Variants in KLHL6 observed in about 807,000 individuals in gnomAD.
KLHL6 encodes the protein kelch-like protein 6.
KLHL6 carries 41 observed loss-of-function variants against 58.6 expected under a neutral mutation model. The observed-to-expected ratio is 0.70, with a 90% CI of 0.55 to 0.91. The LOEUF (loss-of-function observed/expected upper bound fraction) is 0.91. KLHL6 is among the 40% of genes least tolerant of loss of function. KLHL6 has a pLI of 0.00. For missense variants in KLHL6, 714 were observed against 805.6 expected (o/e 0.89, Z 1.38); for synonymous variants, 338 against 322.7 (o/e 1.05, Z -0.51).
chr3:183,502,725 C>T (rs1431972047), intron 3 of KLHL6, among the ~76,000 whole-genome samples: 1 of 152,182 alleles, frequency 6.6e-6, no homozygotes, highest in Non-Finnish European at 1.5e-5. Flanking sequence ...TACTGCAGCC[C>T]CAGCCAAGAG....
intron 1 of KLHL6, among the ~76,000 whole-genome samples, chr3:183,538,431 A>G (rs189639351): frequency 8.5e-5 from 13 of 152,082 alleles, no homozygotes; most frequent in Admixed American, 6.5e-4. Flanking sequence ...TTTCTTCACC[A>G]TTCCCCGTTT....
intron 3 of KLHL6, among the ~76,000 whole-genome samples, chr3:183,506,149 T>C (rs1717994350): frequency 6.6e-6 from 1 of 152,220 alleles, no homozygotes; most frequent in Admixed American, 6.5e-5. Context: ...TAGTGAGATA[T>C]ATGTATGGGT....
At chr3:183,530,175 G>C (rs1712109860) in intron 1 of KLHL6, among the ~76,000 whole-genome samples, 1 of 152,166 alleles carries the variant, frequency 6.6e-6, no homozygotes, top group African/African-American at 2.4e-5. Context: ...GTGGGGCGCT[G>C]CTGTCACAAA....
At chr3:183,507,311 T>A (rs771474661) in intron 3 of KLHL6, among the ~76,000 whole-genome samples, 1 of 152,092 alleles carries the variant, frequency 6.6e-6, no homozygotes, top group African/African-American at 2.4e-5. Context: ...TAAATCAAAG[T>A]GATGTCAGAG....
chr3:183,510,677 C>T (rs888923960), intron 2 of KLHL6, among the ~76,000 whole-genome samples: 4 of 152,022 alleles, frequency 2.6e-5, no homozygotes, highest in Non-Finnish European at 5.9e-5. Flanking sequence ...GAGTTGGAGA[C>T]CAGCCTGACC....
intron 1 of KLHL6, among the ~76,000 whole-genome samples, chr3:183,539,203 G>C (rs1712468601): frequency 6.6e-6 from 1 of 151,552 alleles, no homozygotes; most frequent in African/African-American, 2.4e-5. Context: ...ATAGTGCTAG[G>C]GAAGATATGT....
chr3:183,505,965 G>C (rs1180959945), intron 3 of KLHL6, among the ~76,000 whole-genome samples: 1 of 152,202 alleles, frequency 6.6e-6, no homozygotes, highest in Non-Finnish European at 1.5e-5. Flanking sequence ...TGTTTGCAGA[G>C]TGAATGAATG....
chr3:183,545,891 A>G (rs1047077250), intron 1 of KLHL6, among the ~76,000 whole-genome samples: 3 of 152,162 alleles, frequency 2.0e-5, no homozygotes, highest in Non-Finnish European at 4.4e-5. Context: ...AGCTTCCCAC[A>G]CAACTCTGTG....
At position 183,508,168 on chromosome 3, in the gene KLHL6, T is replaced by A; in HGVS notation, c.800A>T (p.Asp267Val). The stretch of plus-strand genomic sequence containing the variant: ...CACCGTCTCCACAAAGTACCACGGG[T>A]CCAGAAGCGGTAAGCGCACGTTCTC... ...VLENVRLPLL[D>V]PWYFVETVEA... Residue 267 changes from aspartate (D) to valine (V), a missense_variant, in exon 3 of 7, where the codon GAC becomes GTC. Physicochemically the swap from Asp to Val is radical, Grantham distance 152. Coordinates refer to ENST00000341319, the MANE Select transcript of KLHL6 (RefSeq NM_130446.4). 1 of 1,614,152 alleles carries A rather than the reference T, an allele frequency of 6.2e-7. No homozygotes were observed. Among genetic ancestry groups the A allele is most frequent in the Non-Finnish European group, 8.5e-7 (1 of 1,180,030 alleles).
At chr3:183,533,044 A>T (rs79560530) in intron 1 of KLHL6, among the ~76,000 whole-genome samples, 1 of 152,270 alleles carries the variant, frequency 6.6e-6, no homozygotes, top group African/African-American at 2.4e-5. Context: ...TAGTCACTGG[A>T]CTTTCTAAGC....
chr3:183,515,706 CT>C lies in KLHL6; in HGVS notation c.460-7199del, dbSNP rs375454332. On this transcript the variant is annotated intron_variant, in intron 2 of 6. Transcript: ENST00000341319. ...GCTCCACTGGGCACCTTGCTTTCCC[CT>C]TTTGTGGAGCACCCAGAGTACTAAG... 6.3e-3 allele frequency among the ~76,000 whole-genome samples: 960 copies of C among 152,298 alleles called. 5 individuals are homozygous for C. The highest frequency in any genetic ancestry group is 1.0e-2 in the Non-Finnish European group (679 of 68,020).
At chr3:183,551,308 G>T (rs1459807671) in intron 1 of KLHL6, among the ~76,000 whole-genome samples, 7 of 152,258 alleles carry the variant, frequency 4.6e-5, no homozygotes, top group South Asian at 2.1e-4. Flanking sequence ...CAGCCAGCGT[G>T]CAAATCCAGG....
chr3:183,552,636 T>G (rs568290223), intron 1 of KLHL6, among the ~76,000 whole-genome samples: 10 of 144,332 alleles, frequency 6.9e-5, no homozygotes, highest in Non-Finnish European at 1.3e-4. Context: ...GAGAATGGCC[T>G]GAACCCTGGA....
In KLHL6 at chr3:183,533,081, C is replaced by A. The variant is rs543625002; in HGVS notation, c.294-5071G>T. On this transcript the variant is annotated intron_variant, in intron 1 of 6. Transcript: ENST00000341319. ...ACAGACACATGAACAGGTTAGGGAG[C>A]CGTTATCTCCCAGCCAAGTCACTGA... Among the ~76,000 whole-genome samples, 4 of 152,286 alleles carry A rather than the reference C, an allele frequency of 2.6e-5. 1 individual carries two copies. The South Asian group carries it at 8.3e-4, about 32-fold the overall frequency.
chr3:183,512,827 T>C (rs1328276404), intron 2 of KLHL6, among the ~76,000 whole-genome samples: 2 of 151,398 alleles, frequency 1.3e-5, no homozygotes, highest in African/African-American at 4.8e-5. Context: ...AATAAATATA[T>C]ATATAAAATA....
chr3:183,533,615 G>A (rs1001976311), intron 1 of KLHL6, among the ~76,000 whole-genome samples: 1 of 151,986 alleles, frequency 6.6e-6, no homozygotes, highest in African/African-American at 2.4e-5. Context: ...CAAAACAAAG[G>A]TAACTGTTTA....
intron 1 of KLHL6, among the ~76,000 whole-genome samples, chr3:183,548,170 C>T (rs1023564907): frequency 2.0e-5 from 3 of 152,150 alleles, no homozygotes; most frequent in Non-Finnish European, 2.9e-5. Flanking sequence ...AAAGACAGTG[C>T]GCTCTGAAAA....
rs1162716326 is a variant in KLHL6 at position 183,492,082 on chromosome 3, C to T, written c.1711G>A (p.Glu571Lys). The change falls in exon 7 of 7, where the codon GAG becomes AAG. Residue 571 changes from glutamate (E) to lysine (K), a missense_variant. Transcript: ENST00000341319. This position sits in a 1 kb window ranked among gnomAD's most constrained non-coding sequence, Gnocchi z 5.9. ...YITGGRDEKN[E>K]VIATVLCWDP... is the part of the protein sequence containing the mutation. ...CAGCACAGCACCGTGGCGATAACCTCGTTCTTCTCGTCCCGCCCGCCGGTG... is the reference window on the plus strand; with the variant it reads ...CAGCACAGCACCGTGGCGATAACCTTGTTCTTCTCGTCCCGCCCGCCGGTG... 4 of 1,613,900 alleles carry T rather than the reference C, an allele frequency of 2.5e-6. No individual in the cohort carries two copies. Among genetic ancestry groups the T allele is most frequent in the South Asian group, 1.1e-5 (1 of 91,082 alleles).
At position 183,490,055 on chromosome 3, in the gene KLHL6, A is replaced by T. The variant is rs1560087887; in HGVS notation, c.*1872T>A. ...ATCATTGTTGCTTTTTAAATACAGC[A>T]TATGAAACAGGATCTCTTAACCTGT... On this transcript the variant is annotated 3_prime_UTR_variant, in exon 7 of 7. Transcript: ENST00000341319. 1 of 152,226 alleles carries T rather than the reference A, an allele frequency of 6.6e-6. No homozygotes were observed. Among genetic ancestry groups the T allele is most frequent in the South Asian group, 2.1e-4 (1 of 4,834 alleles). The allele number at this position is 152,226 out of a possible 1,614,324, so 9.4% of individuals were successfully genotyped here.
Sources: gnomAD v4.1 joint callset for allele counts (sites outside exome capture counted in the v4.1 genomes callset) on GRCh38, gnomAD v4.1.1 for gene constraint, Gnocchi (gnomAD v3.1) non-coding constraint, MANE v1.5 for transcripts, NCBI Gene and HGNC (gene_info 2026-07-23, HGNC 2026-07-21) for gene names.